The following PGBD1 variants were observed in gnomAD, a reference collection of about 807,000 sequenced individuals.
PGBD1 encodes piggyBac transposable element-derived protein 1.
In PGBD1, 25 loss-of-function variants were observed where a neutral mutation model predicts 34.7. That is an observed-to-expected ratio of 0.72 (90% CI 0.52 to 1.00). The LOEUF (loss-of-function observed/expected upper bound fraction) is 1.00, where lower values mean the gene tolerates loss of function less well. PGBD1 is among the 50% of genes least tolerant of loss of function. PGBD1 has a pLI of 0.00. For missense variants in PGBD1, 830 were observed against 959.4 expected, an observed-to-expected ratio of 0.87 and a Z score of 1.78; for synonymous variants, 292 against 335.7, an observed-to-expected ratio of 0.87 and a Z score of 1.42.
intron 5 of PGBD1, 55 bp from the exon 6 acceptor site, chr6:28,297,840 T>G (rs1468128661): frequency 6.9e-6 from 2 of 288,520 alleles, no homozygotes; most frequent in African/African-American, 2.9e-5. Context: ...TTTTTTTTTT[T>G]TTTTTCAAAA....
At chr6:28,282,079 G>A (rs1474566159) in intron 1 of PGBD1, among the ~76,000 whole-genome samples, 161 bp downstream of exon 1, 1 of 152,160 alleles carries the variant, frequency 6.6e-6, no homozygotes, top group East Asian at 1.9e-4. Context: ...TACTTTTCCT[G>A]TCTATATGTT....
chr6:28,292,334 C>A, intron 4 of PGBD1, among the ~76,000 whole-genome samples: 1 of 151,734 alleles, frequency 6.6e-6, no homozygotes, highest in Non-Finnish European at 1.5e-5. Flanking sequence ...TTTACAAAAG[C>A]TACAAAAAAT....
chr6:28,284,331 C>T lies in PGBD1; in HGVS notation c.396+122C>T, dbSNP rs566613546. 4.4e-4 allele frequency: 498 copies of T among 1,140,878 alleles called. 1 individual carries two copies. The highest frequency in any genetic ancestry group is 2.8e-3 in the South Asian group (129 of 45,286). The allele number at this position is 1,140,878 out of a possible 1,614,324, so 70.7% of individuals were successfully genotyped here. On this transcript the variant is annotated intron_variant, in intron 2 of 6. Coordinates refer to ENST00000682144, the MANE Select transcript of PGBD1 (RefSeq NM_032507.4). ...AGAAGTATTAGAAGAATAGAGAACT[C>T]CCGTAAAACTCTTCATCCAAATTTG... is the stretch of plus-strand genomic sequence containing the variant.
intron 2 of PGBD1, 70 bp from the exon 3 acceptor site, chr6:28,285,481 G>C: frequency 6.7e-7 from 1 of 1,487,330 alleles, no homozygotes; most frequent in Non-Finnish European, 9.1e-7. Context: ...CCAGCATGTA[G>C]AACAGTGCCA....
intron 4 of PGBD1, 86 bp downstream of exon 4, chr6:28,287,254 C>G: frequency 8.4e-7 from 1 of 1,185,658 alleles, no homozygotes; most frequent in East Asian, 2.4e-5. Flanking sequence ...TTGGCTCACA[C>G]TCATCATCGT....
At position 28,302,220 on chromosome 6, in the gene PGBD1, C is replaced by T; in HGVS notation, c.2366C>T (p.Pro789Leu). The T allele has an allele frequency of 6.2e-7, 1 of 1,614,022 alleles. No homozygotes were observed. Among genetic ancestry groups the T allele is most frequent in the Non-Finnish European group, 8.5e-7 (1 of 1,179,980 alleles). ...TGTAACCCAGGTGCTTCTCTAGACC[C>T]CTTGGATTTTCGGAGATTTGTTGCA... ...RACNPGASLD[P>L]LDFRRFVAHF... Residue 789 changes from proline (P) to leucine (L), a missense_variant, in exon 7 of 7, where the codon CCC becomes CTC. Transcript: ENST00000682144.
chr6:28,291,756 G>A (rs11757730), intron 4 of PGBD1, among the ~76,000 whole-genome samples: 29,085 of 152,060 alleles, frequency 0.19, 3,230 homozygotes, highest in African/African-American at 0.29. Context: ...CATTCACCAT[G>A]ATCAAGTGGG....
intron 3 of PGBD1, 98 bp downstream of exon 3, chr6:28,285,805 T>C: frequency 7.9e-7 from 1 of 1,259,832 alleles, no homozygotes; most frequent in Admixed American, 2.6e-5. Context: ...GTGAAATGAT[T>C]ACCACAAGCT....
chr6:28,297,881 A>G lies in PGBD1; in HGVS notation c.773-14A>G, dbSNP rs752329844. On this transcript the variant is annotated splice_polypyrimidine_tract_variant and intron_variant, in intron 5 of 6. Transcript: ENST00000682144. ...ATAACAGATGACATTTAAATCATTA[A>G]TGTTATATTTTAGCTGAAGAAATTG... 1.3e-5 allele frequency: 10 copies of G among 757,768 alleles called. No homozygotes were observed. The highest frequency in any genetic ancestry group is 1.8e-5 in the Non-Finnish European group (9 of 488,044). 46.9% of individuals were successfully genotyped at this position (757,768 alleles called of 1,614,324 possible).
intron 1 of PGBD1, among the ~76,000 whole-genome samples, chr6:28,283,326 A>G (rs1361913244): frequency 6.6e-6 from 1 of 152,266 alleles, no homozygotes; most frequent in African/African-American, 2.4e-5. Flanking sequence ...CAACAGTGGC[A>G]AAATCTCATC....
chr6:28,300,873 G>A lies in PGBD1; in HGVS notation c.1019G>A (p.Arg340Gln), dbSNP rs1487254359. Residue 340 changes from arginine to glutamine, a missense_variant, in exon 7 of 7, where the codon CGA becomes CAA. Arg to Gln is a conservative substitution (Grantham distance 43). Transcript: ENST00000682144. The surrounding 1 kb of genome is among the most constrained non-coding windows in gnomAD (Gnocchi z 4.0). The stretch of plus-strand genomic sequence containing the variant: ...GAATATGCTGCAGGAGACATTACCC[G>A]AAAAGGGAGAAAAAAAGACAAAGCT... ...SLEYAAGDIT[R>Q]KGRKKDKARV... 4.3e-6 allele frequency: 7 copies of A among 1,613,848 alleles called. No individual in the cohort carries two copies. Among genetic ancestry groups the A allele is most frequent in the Admixed American group, 3.3e-5 (2 of 59,962 alleles).
At chr6:28,295,357 A>G (rs1352037545) in intron 4 of PGBD1, among the ~76,000 whole-genome samples, 1 of 152,240 alleles carries the variant, frequency 6.6e-6, no homozygotes, top group Non-Finnish European at 1.5e-5. Context: ...AAGCAGCAGC[A>G]GGTTTGAGAT....
chr6:28,297,191 A>G (rs931921769), intron 5 of PGBD1, among the ~76,000 whole-genome samples: 4 of 151,942 alleles, frequency 2.6e-5, no homozygotes, highest in African/African-American at 9.7e-5. Flanking sequence ...TAGTTCCCTG[A>G]TTCCTTCAGT....
At chr6:28,288,029 G>A (rs1025133417) in intron 4 of PGBD1, among the ~76,000 whole-genome samples, 4 of 152,170 alleles carry the variant, frequency 2.6e-5, no homozygotes. Context: ...TCAGGTGTTT[G>A]CACTGAAATA....
intron 4 of PGBD1, among the ~76,000 whole-genome samples, chr6:28,288,395 G>C (rs1304348745): frequency 7.2e-5 from 11 of 152,288 alleles, no homozygotes; most frequent in African/African-American, 2.6e-4. Context: ...GGAAGTCCAA[G>C]ATCATCAGCC....
chr6:28,289,598 C>T (rs1401742892), intron 4 of PGBD1, among the ~76,000 whole-genome samples: 1 of 152,158 alleles, frequency 6.6e-6, no homozygotes, highest in East Asian at 1.9e-4. Context: ...CCAAGACATA[C>T]CTATCAAAAA....
chr6:28,302,312 A>G lies in PGBD1; in HGVS notation c.*28A>G. On this transcript the variant is annotated 3_prime_UTR_variant, in exon 7 of 7. Transcript: ENST00000682144. ...TACATAAAATGGACATAGTGCAGACATTAATAAGACATAGAAAAATAATAA... is the reference window on the plus strand; with the variant it reads ...TACATAAAATGGACATAGTGCAGACGTTAATAAGACATAGAAAAATAATAA... 6.4e-7 allele frequency: 1 copy of G among 1,572,898 alleles called. No homozygotes were observed. Among genetic ancestry groups the G allele is most frequent in the Non-Finnish European group, 8.6e-7 (1 of 1,158,322 alleles).
chr6:28,286,579 T>C (rs1762290034), intron 3 of PGBD1, among the ~76,000 whole-genome samples: 1 of 152,224 alleles, frequency 6.6e-6, no homozygotes, highest in African/African-American at 2.4e-5. Context: ...TTGGGATCAG[T>C]ACCTCCTAAC....
chr6:28,281,710 G>C lies in PGBD1; in HGVS notation c.-247G>C. On this transcript the variant is annotated 5_prime_UTR_variant, in exon 1 of 7. Coordinates refer to ENST00000682144, the MANE Select transcript of PGBD1 (RefSeq NM_032507.4). Reference sequence around the variant, plus strand: ...CCCTCGGGAGCCTTTCACGAGGTCAGCTACGTCTTTGTTGTGCGCGTTCCT... The same window carrying C: ...CCCTCGGGAGCCTTTCACGAGGTCACCTACGTCTTTGTTGTGCGCGTTCCT... 3.2e-6 allele frequency: 1 copy of C among 309,130 alleles called. No homozygotes were observed. The highest frequency in any genetic ancestry group is 5.9e-6 in the Non-Finnish European group (1 of 170,108). The allele number at this position is 309,130 out of a possible 1,614,324, so 19.1% of individuals were successfully genotyped here.
Sources: gnomAD v4.1 joint callset for allele counts (sites outside exome capture counted in the v4.1 genomes callset) on GRCh38, gnomAD v4.1.1 for gene constraint, Gnocchi (gnomAD v3.1) non-coding constraint, MANE v1.5 for transcripts, NCBI Gene and HGNC (gene_info 2026-07-23, HGNC 2026-07-21) for gene names.